Variants in ST8SIA6 observed in about 807,000 individuals in gnomAD.
The protein encoded by ST8SIA6 is alpha-2,8-sialyltransferase 8F.
Under a neutral mutation model 33.6 loss-of-function variants are expected in ST8SIA6, and 39 were observed. The ratio of observed to expected loss-of-function variants is 1.16; its 90% CI spans 0.90 to 1.52. The LOEUF (loss-of-function observed/expected upper bound fraction) is 1.52, where lower values mean the gene tolerates loss of function less well. Ranked by LOEUF, ST8SIA6 falls within the 40% of genes most tolerant of loss-of-function variation. The pLI is 0.00. For synonymous variants in ST8SIA6, 172 were observed against 167.2 expected (o/e 1.03, Z -0.22); for missense variants, 441 against 443.8 (o/e 0.99, Z 0.06).
chr10:17,419,185 C>A (rs1321960628), intron 2 of ST8SIA6, among the ~76,000 whole-genome samples: 7 of 151,954 alleles, frequency 4.6e-5, no homozygotes, highest in Non-Finnish European at 7.4e-5. Flanking sequence ...ATATAAAGAA[C>A]CTTTAGTACC....
At chr10:17,407,615 T>G (rs887756740) in intron 2 of ST8SIA6, among the ~76,000 whole-genome samples, 2 of 152,214 alleles carry the variant, frequency 1.3e-5, no homozygotes, top group Non-Finnish European at 2.9e-5. Context: ...GGTTGCCCTG[T>G]GAGTAAATCT....
At chr10:17,335,960 AT>A (rs34682275) in intron 4 of ST8SIA6, among the ~76,000 whole-genome samples, 52,511 of 146,918 alleles carry the variant, frequency 0.36, 10,403 homozygotes, top group African/African-American at 0.54. Context: ...TTTTTGCTGA[AT>A]TTTTTTTTTT....
chr10:17,340,863 G>A (rs559580617), intron 4 of ST8SIA6, among the ~76,000 whole-genome samples: 2 of 152,272 alleles, frequency 1.3e-5, no homozygotes, highest in African/African-American at 2.4e-5. Flanking sequence ...CTGTCACATA[G>A]TGTAGAAGAC....
intron 3 of ST8SIA6, among the ~76,000 whole-genome samples, chr10:17,386,735 A>G (rs1321806703): frequency 1.3e-5 from 2 of 152,164 alleles, no homozygotes; most frequent in Non-Finnish European, 2.9e-5. Flanking sequence ...CCGAGGCCTA[A>G]AATGGCATCA....
chr10:17,451,412 G>C (rs1482904487), intron 2 of ST8SIA6, among the ~76,000 whole-genome samples: 1 of 152,182 alleles, frequency 6.6e-6, no homozygotes, highest in Non-Finnish European at 1.5e-5. Flanking sequence ...TGGAGACACA[G>C]AAAGGTGGGA....
chr10:17,351,215 G>A (rs1260753796), intron 4 of ST8SIA6, among the ~76,000 whole-genome samples: 1 of 151,776 alleles, frequency 6.6e-6, no homozygotes, highest in Non-Finnish European at 1.5e-5. Flanking sequence ...TCCTGCACAA[G>A]TCTACTGCAC....
chr10:17,321,417 G>C (rs771384043), intron 7 of ST8SIA6, 71 bp from the exon 8 acceptor site: 1 of 1,270,622 alleles, frequency 7.9e-7, no homozygotes, highest in Non-Finnish European at 1.1e-6. Flanking sequence ...ATAACATAAA[G>C]CTGAATTTAC....
At chr10:17,335,515 T>C (rs773248306) in intron 4 of ST8SIA6, among the ~76,000 whole-genome samples, 6 of 152,234 alleles carry the variant, frequency 3.9e-5, no homozygotes, top group Admixed American at 6.5e-5. Context: ...TTTTTAAAAA[T>C]ACTTCTTATC....
intron 2 of ST8SIA6, among the ~76,000 whole-genome samples, chr10:17,411,470 A>C (rs1452355818): frequency 1.3e-5 from 2 of 152,174 alleles, no homozygotes; most frequent in Admixed American, 1.3e-4. Context: ...GGCATGAGCC[A>C]CTGCACCTGG....
At chr10:17,322,476 A>C (rs993725878) in intron 7 of ST8SIA6, among the ~76,000 whole-genome samples, 4 of 152,136 alleles carry the variant, frequency 2.6e-5, no homozygotes, top group African/African-American at 4.8e-5. Flanking sequence ...TATTTATTTT[A>C]TTTTCTTTCA....
At chr10:17,428,606 C>G (rs1852007188) in intron 2 of ST8SIA6, among the ~76,000 whole-genome samples, 1 of 151,772 alleles carries the variant, frequency 6.6e-6, no homozygotes, top group African/African-American at 2.4e-5. Context: ...AGCTGTGTCT[C>G]CAGGGAGGAG....
chr10:17,343,683 A>G (rs1002785109), intron 4 of ST8SIA6, among the ~76,000 whole-genome samples: 1 of 152,220 alleles, frequency 6.6e-6, no homozygotes, highest in Non-Finnish European at 1.5e-5. Flanking sequence ...ACAGTCATCC[A>G]CAGAAACCAA....
intron 3 of ST8SIA6, chr10:17,387,136 G>T (rs1031767901): frequency 3.9e-5 from 6 of 152,388 alleles, no homozygotes; most frequent in African/African-American, 1.4e-4. Flanking sequence ...ACTGGAGGGT[G>T]AAAAGCTATG....
rs1291563210 is a variant in ST8SIA6, at chr10:17,403,217, T to C, written c.201-12597A>G. On this transcript the variant is annotated intron_variant, in intron 2 of 7. Coordinates refer to ENST00000377602, the MANE Select transcript of ST8SIA6 (RefSeq NM_001004470.3). ...CCTCAGTTGCCTGAAGTGGGAGTTA[T>C]CAAAAGGACAGATTTGATATGGAGA... is the stretch of plus-strand genomic sequence containing the variant. Among the ~76,000 whole-genome samples the C allele has an allele frequency of 3.3e-5, 5 of 152,222 alleles. No homozygotes were observed. The South Asian group carries it at 1.0e-3, about 31-fold the overall frequency.
chr10:17,446,474 G>T (rs1177509400), intron 2 of ST8SIA6, among the ~76,000 whole-genome samples: 1 of 152,182 alleles, frequency 6.6e-6, no homozygotes. Flanking sequence ...TAAGGTTCAG[G>T]CTGAGAGAAG....
At chr10:17,331,644 C>A in intron 4 of ST8SIA6, 92 bp from the exon 5 acceptor site, 2 of 1,294,988 alleles carry the variant, frequency 1.5e-6, no homozygotes, top group Non-Finnish European at 1.0e-6. Context: ...GAGGATTTTG[C>A]CAAACTGACT....
At chr10:17,445,202 T>C (rs1366089937) in intron 2 of ST8SIA6, among the ~76,000 whole-genome samples, 1 of 152,120 alleles carries the variant, frequency 6.6e-6, no homozygotes, top group African/African-American at 2.4e-5. Flanking sequence ...TGTGAACATA[T>C]ACAACAAAAA....
At position 17,362,332 on chromosome 10, in the gene ST8SIA6, A is replaced by G. The variant is rs538573409; in HGVS notation, c.291-2732T>C. On this transcript the variant is annotated intron_variant, in intron 3 of 7. Coordinates refer to ENST00000377602, the MANE Select transcript of ST8SIA6 (RefSeq NM_001004470.3). ...TTCATTGAACATTACTCCTCAAAAA[A>G]CTTTTAAATGTTTATTACTAAACTA... 9.9e-5 allele frequency among the ~76,000 whole-genome samples: 15 copies of G among 152,282 alleles called. No homozygotes were observed. In the South Asian group the frequency reaches 3.1e-3, roughly 32 times the overall value.
chr10:17,426,392 T>C (rs1458922368), intron 2 of ST8SIA6, among the ~76,000 whole-genome samples: 3 of 152,108 alleles, frequency 2.0e-5, no homozygotes, highest in Non-Finnish European at 2.9e-5. Flanking sequence ...TCTAGCAAGT[T>C]TTTACATGGC....
Sources: allele counts gnomAD v4.1 joint callset (sites outside exome capture counted in the v4.1 genomes callset), GRCh38; gene constraint gnomAD v4.1.1; transcripts MANE v1.5; gene names NCBI Gene and HGNC (gene_info 2026-07-23, HGNC 2026-07-21).